Variants in RNF111 observed in about 807,000 individuals in gnomAD.
The protein encoded by RNF111 is E3 ubiquitin-protein ligase Arkadia.
RNF111 carries 17 observed loss-of-function variants against 95.1 expected under a neutral mutation model. The observed-to-expected ratio is 0.18, with a 90% CI of 0.12 to 0.27. The LOEUF is 0.27. Among genes scored for constraint, RNF111 ranks in the 10% least tolerant of loss-of-function variants. The pLI, the probability that RNF111 is intolerant of heterozygous loss-of-function variation, is 1.00. For missense variants in RNF111, 1,189 were observed against 1,210.4 expected (o/e 0.98, Z 0.26); for synonymous variants, 440 against 414.8 (o/e 1.06, Z -0.74).
At chr15:59,010,827 T>G (rs2039765962) in intron 1 of RNF111, among the ~76,000 whole-genome samples, 2 of 152,168 alleles carry the variant, frequency 1.3e-5, no homozygotes, top group African/African-American at 4.8e-5. Flanking sequence ...ATGTTGAAGA[T>G]TAAAGGAGAG....
intron 10 of RNF111, among the ~76,000 whole-genome samples, chr15:59,088,816 A>G (rs1566945718): frequency 1.3e-5 from 2 of 152,216 alleles, no homozygotes; most frequent in African/African-American, 2.4e-5. Flanking sequence ...CTCATAGCCA[A>G]CAACACTGTA....
intron 1 of RNF111, among the ~76,000 whole-genome samples, chr15:59,005,571 C>T (rs1380032282): frequency 6.6e-6 from 1 of 152,000 alleles, no homozygotes; most frequent in African/African-American, 2.4e-5. Flanking sequence ...TGGCCTTTAA[C>T]AACTCAGTGT....
At chr15:59,031,845 T>C (rs192786194) in intron 2 of RNF111, 143 bp downstream of exon 2, 135 of 736,740 alleles carry the variant, frequency 1.8e-4, no homozygotes, top group Non-Finnish European at 2.5e-4. Flanking sequence ...AATTACCAAT[T>C]GCAGTATTAA....
intron 6 of RNF111, among the ~76,000 whole-genome samples, chr15:59,074,917 C>T (rs1008876256): frequency 5.9e-5 from 9 of 152,084 alleles, no homozygotes; most frequent in African/African-American, 1.9e-4. Flanking sequence ...ATTAATTGGC[C>T]TAATTTCAAT....
chr15:59,052,566 T>G, intron 3 of RNF111, 135 bp downstream of exon 3: 1 of 495,930 alleles, frequency 2.0e-6, no homozygotes, highest in Non-Finnish European at 3.2e-6. Flanking sequence ...ATCAGATTAG[T>G]GGATTTTTTT....
chr15:59,067,861 C>G (rs1425395476), intron 6 of RNF111, among the ~76,000 whole-genome samples: 1 of 152,188 alleles, frequency 6.6e-6, no homozygotes, highest in African/African-American at 2.4e-5. Flanking sequence ...ACAGCCTTCT[C>G]ATTTGCAGAC....
rs755717270 is a variant in RNF111, at chr15:59,052,256, A to G, written c.881-49A>G. 4 of 1,467,642 alleles carry G rather than the reference A, an allele frequency of 2.7e-6. No individual in the cohort carries two copies. In the African/African-American group the frequency reaches 5.8e-5, roughly 21 times the overall value. The allele number at this position is 1,467,642 out of a possible 1,614,324, so 90.9% of individuals were successfully genotyped here. A position where few individuals can be genotyped will look rare whatever the true frequency, so the allele number is the denominator to read the frequency against. Reference sequence around the variant, plus strand: ...TCAAAATAAAAATTTCTGCCTAACGATTAGCTGACAGGAAGATGCCTTTAA... The same window carrying G: ...TCAAAATAAAAATTTCTGCCTAACGGTTAGCTGACAGGAAGATGCCTTTAA... On this transcript the variant is annotated intron_variant, in intron 2 of 13. Coordinates refer to ENST00000348370, the MANE Select transcript of RNF111 (RefSeq NM_017610.8).
chr15:59,085,219 A>T (rs2078863224), intron 9 of RNF111, among the ~76,000 whole-genome samples: 2 of 152,246 alleles, frequency 1.3e-5, no homozygotes, highest in African/African-American at 2.4e-5. Flanking sequence ...CTTCTTTTAT[A>T]AGGTGTAGAA....
At chr15:59,080,862 T>G in intron 7 of RNF111, 74 bp from the exon 8 acceptor site, 1 of 1,149,480 alleles carries the variant, frequency 8.7e-7, no homozygotes, top group Non-Finnish European at 1.3e-6. Flanking sequence ...AAAAGTACAC[T>G]AGGAATGTAT....
intron 2 of RNF111, among the ~76,000 whole-genome samples, chr15:59,039,810 A>C (rs2041359933): frequency 6.6e-6 from 1 of 151,288 alleles, no homozygotes; most frequent in Non-Finnish European, 1.5e-5. Flanking sequence ...TCTGCCTCCC[A>C]GGTTCAAGCG....
At chr15:59,058,702 A>G (rs911700107) in intron 5 of RNF111, 152 bp downstream of exon 5, 24 of 671,714 alleles carry the variant, frequency 3.6e-5, no homozygotes, top group Admixed American at 1.1e-4. Context: ...AGTCTTTATT[A>G]TAATTAGGCT....
At chr15:59,012,531 A>G (rs773452425) in intron 1 of RNF111, among the ~76,000 whole-genome samples, 7 of 152,250 alleles carry the variant, frequency 4.6e-5, no homozygotes, top group Non-Finnish European at 7.3e-5. Flanking sequence ...ATTGCTGAAC[A>G]TTTTAACACA....
At chr15:59,030,610 A>T (rs2040856138) in intron 1 of RNF111, among the ~76,000 whole-genome samples, 194 bp from the exon 2 acceptor site, 2 of 152,166 alleles carry the variant, frequency 1.3e-5, no homozygotes, top group Non-Finnish European at 2.9e-5. Context: ...AATTGGATGC[A>T]TGAGTAGAGT....
intron 2 of RNF111, among the ~76,000 whole-genome samples, chr15:59,036,441 G>T (rs1489862834): frequency 2.0e-5 from 3 of 152,200 alleles, no homozygotes; most frequent in Non-Finnish European, 4.4e-5. Flanking sequence ...ATCGTGGCAG[G>T]TCATTGAGGA....
At chr15:59,006,053 A>G (rs929855105) in intron 1 of RNF111, among the ~76,000 whole-genome samples, 5 of 152,216 alleles carry the variant, frequency 3.3e-5, no homozygotes, top group African/African-American at 1.2e-4. Flanking sequence ...TCTAAAGTAT[A>G]TTTTTATCTC....
intron 1 of RNF111, among the ~76,000 whole-genome samples, chr15:59,020,548 G>A (rs1039528281): frequency 6.6e-6 from 1 of 152,138 alleles, no homozygotes; most frequent in Non-Finnish European, 1.5e-5. Flanking sequence ...GTAACATATT[G>A]AACTTCACCC....
chr15:59,054,049 C>T (rs2042104451), intron 3 of RNF111, among the ~76,000 whole-genome samples: 1 of 152,164 alleles, frequency 6.6e-6, no homozygotes, highest in Non-Finnish European at 1.5e-5. Flanking sequence ...AATCCTCCTC[C>T]CTCAGCCTTG....
intron 2 of RNF111, among the ~76,000 whole-genome samples, chr15:59,048,341 CA>C (rs1435697013): frequency 1.3e-5 from 2 of 152,042 alleles, no homozygotes; most frequent in African/African-American, 4.8e-5. Flanking sequence ...TGAAAGGAGC[CA>C]AAAGTGTATG....
chr15:58,995,456 T>G (rs977464649), intron 1 of RNF111, among the ~76,000 whole-genome samples: 2 of 132,028 alleles, frequency 1.5e-5, no homozygotes, highest in Non-Finnish European at 3.3e-5. Flanking sequence ...CTTTTTAACA[T>G]AACCTCTTGT....
Sources: allele counts gnomAD v4.1 joint callset (sites outside exome capture counted in the v4.1 genomes callset), GRCh38; gene constraint gnomAD v4.1.1; transcripts MANE v1.5; gene names NCBI Gene and HGNC (gene_info 2026-07-23, HGNC 2026-07-21).